GOLGA5: variants seen among roughly 807,000 people sequenced by gnomAD.
GOLGA5 encodes the protein golgin subfamily A member 5.
A neutral mutation model predicts 93.5 loss-of-function variants in GOLGA5; 50 were observed. The ratio of observed to expected loss-of-function variants is 0.53; its 90% CI spans 0.43 to 0.68. The LOEUF (loss-of-function observed/expected upper bound fraction) is 0.68, where lower values mean the gene tolerates loss of function less well. Ranked by LOEUF, GOLGA5 falls within the 30% of genes least tolerant of loss-of-function variation. The pLI is 0.00. For synonymous variants in GOLGA5, 312 were observed against 304.5 expected, an observed-to-expected ratio of 1.02 and a Z score of -0.26; for missense variants, 760 against 856.4, an observed-to-expected ratio of 0.89 and a Z score of 1.40.
At chr14:92,834,195 T>TTA (rs57469376) in intron 10 of GOLGA5, among the ~76,000 whole-genome samples, 29,125 of 147,856 alleles carry the variant, frequency 0.2, 3,279 homozygotes, top group East Asian at 0.26. Context: ...TTTTTTTTTT[T>TTA]ATTTTATTTT....
chr14:92,839,803 CAA>C lies in GOLGA5; in HGVS notation c.*361_*362del, dbSNP rs1457096291. 2.3e-5 allele frequency: 4 copies of C among 175,952 alleles called. No individual in the cohort carries two copies. Among genetic ancestry groups the C allele is most frequent in the Admixed American group, 1.0e-4 (1 of 9,572 alleles). 10.9% of individuals were successfully genotyped at this position (175,952 alleles called of 1,614,324 possible). A position where few individuals can be genotyped will look rare whatever the true frequency, so the allele number is the denominator to read the frequency against. On this transcript the variant is annotated 3_prime_UTR_variant, in exon 13 of 13. Transcript: ENST00000163416. ...CAGGGAAACTAATTGTATTTAGTGA[CAA>C]AAATAAAAAGTTTTTTTTTATAATT... is the stretch of plus-strand genomic sequence containing the variant.
chr14:92,820,488 A>AAAGAGGCCTTCCTCTTATCTCAACTGC, intron 8 of GOLGA5, among the ~76,000 whole-genome samples: 1 of 152,300 alleles, frequency 6.6e-6, no homozygotes, highest in East Asian at 1.9e-4. Flanking sequence ...CAGGCAGGAG[A>AAAGAGGCCTTCCTCTTATCTCAACTGC]AAGAGGCCTT....
chr14:92,819,984 G>A, intron 8 of GOLGA5, 148 bp downstream of exon 8: 1 of 693,980 alleles, frequency 1.4e-6, no homozygotes, highest in Non-Finnish European at 2.4e-6. Flanking sequence ...CTCATCTGAA[G>A]GGGTGGCCTG....
intron 7 of GOLGA5, among the ~76,000 whole-genome samples, chr14:92,816,806 C>T (rs1328568478): frequency 6.6e-6 from 1 of 152,260 alleles, no homozygotes. Flanking sequence ...GTGATTGTCC[C>T]TCCTCAGCCT....
intron 2 of GOLGA5, among the ~76,000 whole-genome samples, chr14:92,800,077 A>G (rs903347127): frequency 1.3e-5 from 2 of 152,240 alleles, no homozygotes; most frequent in Non-Finnish European, 2.9e-5. Flanking sequence ...AGGCAGTAGC[A>G]GTTGATTAAT....
At chr14:92,805,658 T>A (rs993234391) in intron 2 of GOLGA5, among the ~76,000 whole-genome samples, 5 of 152,208 alleles carry the variant, frequency 3.3e-5, no homozygotes, top group Non-Finnish European at 7.3e-5. Context: ...TTGGTGTTTT[T>A]AATTTTAGCC....
Position 92,808,132 on chromosome 14 carries a change from G to A in GOLGA5, c.773-1168G>A, listed in dbSNP as rs1488786036. 2.0e-5 allele frequency among the ~76,000 whole-genome samples: 3 copies of A among 152,144 alleles called. No homozygotes were observed. The East Asian group carries it at 5.8e-4, about 29-fold the overall frequency. ...GCCTGTTATTCCAGCTACTCAGGAG[G>A]CTGAGGGAGGAGAATTGCCTGAACC... On this transcript the variant is annotated intron_variant, in intron 3 of 12. Transcript: ENST00000163416.
At chr14:92,835,725 TTCAA>T in intron 11 of GOLGA5, 61 bp downstream of exon 11, 3 of 967,160 alleles carry the variant, frequency 3.1e-6, no homozygotes. Context: ...TTTTCAGGGT[TTCAA>T]TCACAGTGAC....
At chr14:92,837,708 C>T (rs1885675982) in intron 12 of GOLGA5, among the ~76,000 whole-genome samples, 1 of 151,996 alleles carries the variant, frequency 6.6e-6, no homozygotes, top group Admixed American at 6.6e-5. Flanking sequence ...GGACTACAGG[C>T]GTGCACCACC....
At chr14:92,834,689 A>G (rs533815042) in intron 10 of GOLGA5, among the ~76,000 whole-genome samples, 1 of 152,298 alleles carries the variant, frequency 6.6e-6, no homozygotes, top group East Asian at 1.9e-4. Flanking sequence ...TGAGGCCTGT[A>G]TGGGGACTTT....
In GOLGA5 at chr14:92,809,496, A is replaced by G. The variant is rs17128583; in HGVS notation, c.969A>G (p.Glu323=). 138,548 of 1,610,746 alleles carry G rather than the reference A, an allele frequency of 0.086. 8,619 individuals carry two copies. The highest frequency in any genetic ancestry group is 0.25 in the South Asian group (22,836 of 90,886). The change falls in exon 4 of 13, where the codon GAA becomes GAG. Residue 323 remains glutamate, a synonymous_variant. Coordinates refer to ENST00000163416, the MANE Select transcript of GOLGA5 (RefSeq NM_005113.4). ...TGAGTACTCGCACAGAAGCATTAGA[A>G]GCCTTACAGAGTGAAAAATCACGGT... The part of the protein sequence containing the change: ...QLLSTRTEAL[E]ALQSEKSRIM...
At chr14:92,806,041 C>T (rs1393582823) in intron 2 of GOLGA5, among the ~76,000 whole-genome samples, 1 of 149,484 alleles carries the variant, frequency 6.7e-6, no homozygotes, top group Non-Finnish European at 1.5e-5. Flanking sequence ...TTGAAACCTG[C>T]AGCTACTCTA....
Position 92,816,296 on chromosome 14 carries a change from G to T in GOLGA5, c.1366G>T (p.Glu456Ter). Reference sequence around the variant, plus strand: ...CAGCTTGAAAGAAGGCTCTGGTTTTGAAGGCCTAGATAGCAGCACTGCCAG... The same window carrying T: ...CAGCTTGAAAGAAGGCTCTGGTTTTTAAGGCCTAGATAGCAGCACTGCCAG... ...INSLKEGSGF[E>*]GLDSSTASSM... Residue 456 changes from glutamate (E) to a stop codon, truncating the protein, a stop_gained, in exon 7 of 13, where the codon GAA (glutamate) becomes TAA (stop). Transcript: ENST00000163416. LOFTEE classifies it high-confidence loss of function. 1 of 1,613,860 alleles carries T rather than the reference G, an allele frequency of 6.2e-7. No homozygotes were observed. Among genetic ancestry groups the T allele is most frequent in the Non-Finnish European group, 8.5e-7 (1 of 1,179,794 alleles).
intron 2 of GOLGA5, among the ~76,000 whole-genome samples, chr14:92,799,929 T>G (rs527985530): frequency 3.3e-5 from 5 of 152,178 alleles, no homozygotes; most frequent in Non-Finnish European, 7.4e-5. Context: ...TAGAGTTGAT[T>G]ATTGATGGGA....
chr14:92,799,992 G>GA (rs1022573035), intron 2 of GOLGA5, among the ~76,000 whole-genome samples: 1 of 152,206 alleles, frequency 6.6e-6, no homozygotes, highest in Admixed American at 6.5e-5. Context: ...GGCTGTTAGT[G>GA]AATAAAATCT....
chr14:92,802,128 C>T (rs1441129735), intron 2 of GOLGA5, among the ~76,000 whole-genome samples: 1 of 152,114 alleles, frequency 6.6e-6, no homozygotes, highest in African/African-American at 2.4e-5. Flanking sequence ...AGAGTCAGCA[C>T]TTTTGCTATA....
intron 9 of GOLGA5, among the ~76,000 whole-genome samples, chr14:92,825,508 A>G (rs7141886): frequency 0.74 from 112,193 of 152,100 alleles, 41,816 homozygotes; most frequent in East Asian, 0.85. Context: ...TCCTTTTTCT[A>G]TATTTACTAA....
chr14:92,816,441 A>G lies in GOLGA5; in HGVS notation c.1491+20A>G. 6.2e-7 allele frequency: 1 copy of G among 1,604,544 alleles called. No homozygotes were observed. The highest frequency in any genetic ancestry group is 8.5e-7 in the Non-Finnish European group (1 of 1,171,916). On this transcript the variant is annotated intron_variant, in intron 7 of 12. Coordinates refer to ENST00000163416, the MANE Select transcript of GOLGA5 (RefSeq NM_005113.4). The stretch of plus-strand genomic sequence containing the variant: ...TTACAGGTAAGATTCATGGTGGTTC[A>G]GCTTAGTAGACACCATTTACCCTCA...
In GOLGA5 at chr14:92,810,280, A is replaced by G; in HGVS notation, c.1019A>G (p.Asn340Ser). The G allele has an allele frequency of 6.2e-7, 1 of 1,602,306 alleles. No homozygotes were observed. The highest frequency in any genetic ancestry group is 8.5e-7 in the Non-Finnish European group (1 of 1,172,822). ...SRIMQDQSEG[N>S]SLQNQALQTF... ...ATAATGCAGGATCAAAGTGAAGGTAACAGCCTGCAGAATCAAGCTCTGCAG... is the reference window on the plus strand; with the variant it reads ...ATAATGCAGGATCAAAGTGAAGGTAGCAGCCTGCAGAATCAAGCTCTGCAG... Residue 340 changes from asparagine to serine, a missense_variant, in exon 5 of 13, where the codon AAC becomes AGC. Asn to Ser is a conservative substitution (Grantham distance 46, BLOSUM62 1). Coordinates refer to ENST00000163416, the MANE Select transcript of GOLGA5 (RefSeq NM_005113.4).
Sources: gnomAD v4.1 joint callset for allele counts (sites outside exome capture counted in the v4.1 genomes callset) on GRCh38, gnomAD v4.1.1 for gene constraint, MANE v1.5 for transcripts, NCBI Gene and HGNC (gene_info 2026-07-23, HGNC 2026-07-21) for gene names.